Variants in FOXP2 observed in about 807,000 individuals in gnomAD.
FOXP2 encodes the protein forkhead box P2.
A neutral mutation model predicts 115.8 loss-of-function variants in FOXP2; 12 were observed. The observed-to-expected ratio is 0.10, with a 90% CI of 0.07 to 0.17. The LOEUF is 0.17. Ranked by LOEUF, FOXP2 falls within the 10% of genes least tolerant of loss-of-function variation. The pLI is 1.00. For missense variants in FOXP2, 629 were observed against 843.5 expected (o/e 0.75, Z 3.15); for synonymous variants, 328 against 297.7 (o/e 1.10, Z -1.05).
At chr7:114,521,321 C>G (rs954853691) in intron 2 of FOXP2, among the ~76,000 whole-genome samples, 1 of 151,690 alleles carries the variant, frequency 6.6e-6, no homozygotes, top group Non-Finnish European at 1.5e-5. Context: ...TATCCTTTTT[C>G]TAGACCCATG....
chr7:114,175,222 G>T (rs1793257285), intron 1 of FOXP2, among the ~76,000 whole-genome samples: 1 of 152,012 alleles, frequency 6.6e-6, no homozygotes, highest in Non-Finnish European at 1.5e-5. Context: ...ACACAAAATG[G>T]GTGGTAGCCT....
chr7:114,097,641 G>A (rs1779129182), intron 1 of FOXP2, among the ~76,000 whole-genome samples: 1 of 152,064 alleles, frequency 6.6e-6, no homozygotes, highest in South Asian at 2.1e-4. Flanking sequence ...TAATCTTGAG[G>A]TCTTCACCAT....
intron 3 of FOXP2, among the ~76,000 whole-genome samples, chr7:114,557,419 TA>T (rs777220346): frequency 2.6e-4 from 39 of 152,200 alleles, no homozygotes; most frequent in Non-Finnish European, 4.9e-4. Context: ...GACAAATATA[TA>T]TCATCTGTGA....
chr7:114,689,162 A>G (rs1333756689), intron 16 of FOXP2, among the ~76,000 whole-genome samples: 2 of 152,240 alleles, frequency 1.3e-5, no homozygotes, highest in Admixed American at 6.5e-5. Context: ...TCATGACAAA[A>G]TTTTAATTAC....
intron 2 of FOXP2, among the ~76,000 whole-genome samples, chr7:114,308,832 G>T (rs1402834758): frequency 6.6e-6 from 1 of 152,208 alleles, no homozygotes; most frequent in Non-Finnish European, 1.5e-5. Flanking sequence ...AGAGTTGGCT[G>T]ATTAGACTGA....
At chr7:114,314,468 T>A (rs1797225297) in intron 2 of FOXP2, among the ~76,000 whole-genome samples, 1 of 152,076 alleles carries the variant, frequency 6.6e-6, no homozygotes, top group Non-Finnish European at 1.5e-5. Flanking sequence ...GTGCTCTGAA[T>A]CACCTGAACA....
At chr7:114,334,025 A>G (rs987885513) in intron 2 of FOXP2, among the ~76,000 whole-genome samples, 1 of 152,188 alleles carries the variant, frequency 6.6e-6, no homozygotes, top group Non-Finnish European at 1.5e-5. Flanking sequence ...AGGAAATGCA[A>G]ACTTATTTGA....
chr7:114,127,230 T>A (rs536447915), intron 1 of FOXP2, among the ~76,000 whole-genome samples: 3 of 151,990 alleles, frequency 2.0e-5, no homozygotes, highest in Admixed American at 6.6e-5. Flanking sequence ...AACAAGAGAG[T>A]CAATAGAATC....
chr7:114,134,143 A>G lies in FOXP2; in HGVS notation c.-246-28801A>G, dbSNP rs562830089. 3.9e-5 allele frequency among the ~76,000 whole-genome samples: 6 copies of G among 152,302 alleles called. No individual in the cohort carries two copies. The East Asian group carries it at 9.7e-4, about 25-fold the overall frequency. ...CAAAATAATGCTAATAGGTAAAGTAAAATGGGGACCGAAATTTTACTTTTA... is the reference window on the plus strand; with the variant it reads ...CAAAATAATGCTAATAGGTAAAGTAGAATGGGGACCGAAATTTTACTTTTA... On this transcript the variant is annotated intron_variant, in intron 1 of 19. Transcript: ENST00000635638.
intron 1 of FOXP2, among the ~76,000 whole-genome samples, chr7:114,271,082 T>C (rs577011507): frequency 4.6e-5 from 7 of 152,104 alleles, no homozygotes; most frequent in African/African-American, 1.7e-4. Context: ...CATAATTATG[T>C]AGGTCTATTT....
chr7:114,459,343 A>G (rs977561568), intron 2 of FOXP2, among the ~76,000 whole-genome samples: 10 of 152,218 alleles, frequency 6.6e-5, no homozygotes, highest in Non-Finnish European at 1.5e-4. Flanking sequence ...TCCTTTATGT[A>G]TTAAAATAAA....
At chr7:114,467,638 G>A (rs1416085570) in intron 2 of FOXP2, among the ~76,000 whole-genome samples, 1 of 152,134 alleles carries the variant, frequency 6.6e-6, no homozygotes, top group Non-Finnish European at 1.5e-5. Context: ...TTACAAACTG[G>A]CAGTCACATC....
chr7:114,612,755 TG>T (rs1300053272), intron 3 of FOXP2, among the ~76,000 whole-genome samples: 1 of 152,234 alleles, frequency 6.6e-6, no homozygotes, highest in Non-Finnish European at 1.5e-5. Context: ...ATCAAGTTTT[TG>T]ATATCTGTAG....
intron 2 of FOXP2, among the ~76,000 whole-genome samples, chr7:114,301,628 T>C (rs2033308540): frequency 6.6e-6 from 1 of 152,140 alleles, no homozygotes; most frequent in African/African-American, 2.4e-5. Context: ...CTGTGATTTA[T>C]TGATGGAAAA....
intron 2 of FOXP2, among the ~76,000 whole-genome samples, chr7:114,532,099 G>C (rs57773192): frequency 0.076 from 11,505 of 151,900 alleles, 951 homozygotes; most frequent in East Asian, 0.36. Flanking sequence ...AGGTAGTCTA[G>C]ACAGTTTCTA....
chr7:114,301,244 A>G (rs148220496), intron 2 of FOXP2, among the ~76,000 whole-genome samples: 69 of 152,218 alleles, frequency 4.5e-4, no homozygotes, highest in African/African-American at 1.6e-3. Context: ...ACTTTGATAT[A>G]AGAATCATTG....
At chr7:114,294,830 G>C (rs1169232482) in intron 2 of FOXP2, among the ~76,000 whole-genome samples, 2 of 148,568 alleles carry the variant, frequency 1.3e-5, no homozygotes, top group Admixed American at 1.4e-4. Flanking sequence ...AACAGAAGGA[G>C]ACACTGCCTC....
chr7:114,538,398 T>C, intron 3 of FOXP2: 1 of 1,293,078 alleles, frequency 7.7e-7, no homozygotes, highest in Non-Finnish European at 1.0e-6. Context: ...ATGCCATTGC[T>C]TTGCTATCTT....
intron 3 of FOXP2, among the ~76,000 whole-genome samples, chr7:114,568,533 A>G (rs17374103): frequency 0.093 from 14,050 of 151,598 alleles, 702 homozygotes; most frequent in Middle Eastern, 0.16. Context: ...ACTAAAGAAG[A>G]TATGTTTGAA....
Sources: allele counts gnomAD v4.1 joint callset (sites outside exome capture counted in the v4.1 genomes callset), GRCh38; gene constraint gnomAD v4.1.1; transcripts MANE v1.5; gene names NCBI Gene and HGNC (gene_info 2026-07-23, HGNC 2026-07-21).